LYAR: variants seen among roughly 807,000 people sequenced by gnomAD.
LYAR encodes Ly1 antibody reactive, also known as cell growth-regulating nucleolar protein.
LYAR carries 37 observed loss-of-function variants against 45.2 expected under a neutral mutation model. That is an observed-to-expected ratio of 0.82 (90% CI 0.63 to 1.08). The LOEUF is 1.08. LYAR is among the 50% of genes least tolerant of loss of function. The pLI is 0.00. For synonymous variants in LYAR, 176 were observed against 155.1 expected (o/e 1.14, Z -1.00); for missense variants, 493 against 451.0 (o/e 1.09, Z -0.84).
rs1560098732 is a variant in LYAR at position 4,286,525 on chromosome 4, C to A, written c.-60G>T. On this transcript the variant is annotated 5_prime_UTR_variant, in exon 2 of 10. Coordinates refer to ENST00000343470, the MANE Select transcript of LYAR (RefSeq NM_017816.3). Reference sequence around the variant, plus strand: ...GTAAATACTACAAACTTACAAAAAGCCGTCATGTAGAAATTCAGTCACTCC... The same window carrying A: ...GTAAATACTACAAACTTACAAAAAGACGTCATGTAGAAATTCAGTCACTCC... 6.6e-6 allele frequency: 1 copy of A among 152,170 alleles called. No homozygotes were observed. The allele number at this position is 152,170 out of a possible 1,614,324, so 9.4% of individuals were successfully genotyped here.
intron 8 of LYAR, among the ~76,000 whole-genome samples, chr4:4,271,882 C>T (rs973899586): frequency 7.9e-5 from 12 of 152,174 alleles, no homozygotes; most frequent in Admixed American, 2.6e-4. Context: ...CTGTGATGCA[C>T]GCACAGCACG....
chr4:4,268,506 C>A (rs370253279), intron 9 of LYAR, 24 bp downstream of exon 9: 12 of 1,459,740 alleles, frequency 8.2e-6, no homozygotes, highest in Non-Finnish European at 1.1e-5. Flanking sequence ...CTGTTAGACA[C>A]GTGGGTTTGT....
At chr4:4,278,987 A>G (rs751495368) in intron 6 of LYAR, among the ~76,000 whole-genome samples, 3 of 152,138 alleles carry the variant, frequency 2.0e-5, no homozygotes. Flanking sequence ...CAGTGCATTC[A>G]GTTTCTTCCT....
chr4:4,285,194 C>T (rs1158341132), intron 2 of LYAR, among the ~76,000 whole-genome samples: 1 of 152,206 alleles, frequency 6.6e-6, no homozygotes, highest in Non-Finnish European at 1.5e-5. Context: ...CGGTCCCAGG[C>T]CCCGCTCCTC....
rs2916443 is a variant in LYAR, at chr4:4,281,609, A to G, written c.237+174T>C. On this transcript the variant is annotated intron_variant, in intron 4 of 9. Transcript: ENST00000343470. ...GCTGGGATTACAGGCGTGAGCCACC[A>G]TGCCCAGCCAAAGAATTCTTTTTCA... is the stretch of plus-strand genomic sequence containing the variant. 5.6e-3 allele frequency among the ~76,000 whole-genome samples: 848 copies of G among 152,288 alleles called. 10 individuals are homozygous for G. Among genetic ancestry groups the G allele is most frequent in the African/African-American group, 0.019 (809 of 41,548 alleles).
intron 7 of LYAR, 23 bp from the exon 8 acceptor site, chr4:4,273,692 T>C: frequency 6.6e-7 from 1 of 1,514,130 alleles, no homozygotes; most frequent in Non-Finnish European, 9.1e-7. Flanking sequence ...AAAGATTTTT[T>C]TTAAAGAAGA....
At chr4:4,272,878 G>C (rs7671748) in intron 8 of LYAR, among the ~76,000 whole-genome samples, 39,004 of 152,048 alleles carry the variant, frequency 0.26, 7,434 homozygotes, top group African/African-American at 0.54. Context: ...CTGGGGGTTG[G>C]GGGAGGTGGC....
At chr4:4,281,730 A>C in intron 4 of LYAR, 53 bp downstream of exon 4, 1 of 1,351,316 alleles carries the variant, frequency 7.4e-7, no homozygotes, top group Admixed American at 1.7e-5. Flanking sequence ...TGGGCTTCCA[A>C]AGAAAGCGGA....
Position 4,276,543 on chromosome 4 carries a change from C to CA in LYAR, c.430-1775dup, listed in dbSNP as rs55900346. 4.8e-3 allele frequency among the ~76,000 whole-genome samples: 626 copies of CA among 131,426 alleles called. 9 individuals carry two copies. Among genetic ancestry groups the CA allele is most frequent in the African/African-American group, 0.015 (536 of 35,130 alleles). 86.2% of individuals were successfully genotyped at this position (131,426 alleles called of 152,430 possible). On this transcript the variant is annotated intron_variant, in intron 6 of 9. Transcript: ENST00000343470. ...GGGTGACAAGAATGAAACTCTGTCTCAAAAAAAAAAAAAAAGAAAACGGAT... is the reference window on the plus strand; with the variant it reads ...GGGTGACAAGAATGAAACTCTGTCTCAAAAAAAAAAAAAAAAGAAAACGGAT...
chr4:4,272,899 C>T (rs1382339029), intron 8 of LYAR, among the ~76,000 whole-genome samples: 2 of 152,056 alleles, frequency 1.3e-5, no homozygotes, highest in African/African-American at 4.8e-5. Context: ...AGAGAGATGA[C>T]GACTTGCCAC....
intron 8 of LYAR, among the ~76,000 whole-genome samples, chr4:4,271,710 A>C (rs927002321): frequency 6.6e-6 from 1 of 152,244 alleles, no homozygotes; most frequent in Non-Finnish European, 1.5e-5. Context: ...GAAAAGAAAG[A>C]ATATGCAACT....
intron 7 of LYAR, among the ~76,000 whole-genome samples, chr4:4,274,070 C>G (rs1285869675): frequency 6.6e-6 from 1 of 152,156 alleles, no homozygotes; most frequent in East Asian, 1.9e-4. Context: ...AACCCCATCT[C>G]TACTAAAAAT....
At chr4:4,269,261 C>T (rs1718834491) in intron 8 of LYAR, among the ~76,000 whole-genome samples, 1 of 152,186 alleles carries the variant, frequency 6.6e-6, no homozygotes, top group South Asian at 2.1e-4. Context: ...ACAAAACAGT[C>T]CCAACAGAAG....
chr4:4,288,966 T>C (rs1719739699), intron 1 of LYAR, among the ~76,000 whole-genome samples: 2 of 152,110 alleles, frequency 1.3e-5, no homozygotes, highest in Admixed American at 1.3e-4. Flanking sequence ...ATCTCATCTG[T>C]GAAACAAGAA....
At chr4:4,273,421 TTCTC>T (rs939657956) in intron 8 of LYAR, among the ~76,000 whole-genome samples, 158 bp downstream of exon 8, 23 of 152,090 alleles carry the variant, frequency 1.5e-4, no homozygotes, top group Non-Finnish European at 1.6e-4. Context: ...CTCTTTTCTT[TTCTC>T]TCTCTCTCGC....
intron 7 of LYAR, 29 bp downstream of exon 7, chr4:4,274,338 G>T (rs753704442): frequency 6.3e-7 from 1 of 1,583,870 alleles, no homozygotes; most frequent in African/African-American, 1.4e-5. Context: ...GTTTTCAGAT[G>T]AATCCCAGAG....
chr4:4,281,910 CA>C lies in LYAR; in HGVS notation c.123-14del. ...ATAGTCATCGCCCCTTTAAAGTGATCAAAAGTTCTGCCATTAGACTGATACC... is the reference window on the plus strand; with the variant it reads ...ATAGTCATCGCCCCTTTAAAGTGATCAAAGTTCTGCCATTAGACTGATACC... On this transcript the variant is annotated splice_polypyrimidine_tract_variant and intron_variant, in intron 3 of 9. Transcript: ENST00000343470. The C allele has an allele frequency of 6.3e-7, 1 of 1,589,062 alleles. No individual in the cohort carries two copies. Among genetic ancestry groups the C allele is most frequent in the Middle Eastern group, 1.7e-4 (1 of 6,000 alleles).
At position 4,268,580 on chromosome 4, in the gene LYAR, G is replaced by C. The variant is rs142101131; in HGVS notation, c.955C>G (p.Leu319Val). The change falls in exon 9 of 10, where the codon CTG becomes GTG. Residue 319 changes from leucine to valine, a missense_variant. Transcript: ENST00000343470. ...ATTTCATTGTCTGGGGCCTGTTTCAGAATTGCTTTAATAGTTCCCTTCCAG... is the reference window on the plus strand; with the variant it reads ...ATTTCATTGTCTGGGGCCTGTTTCACAATTGCTTTAATAGTTCCCTTCCAG... ...FNWKGTIKAI[L>V]KQAPDNEITI... The C allele has an allele frequency of 1.6e-5, 25 of 1,611,792 alleles. No individual in the cohort carries two copies. In the African/African-American group the frequency reaches 2.9e-4, roughly 19 times the overall value.
chr4:4,281,930 T>G (rs1177565133), intron 3 of LYAR, 33 bp from the exon 4 acceptor site: 2 of 1,463,672 alleles, frequency 1.4e-6, no homozygotes, highest in South Asian at 2.3e-5. Flanking sequence ...GCCATTAGAC[T>G]GATACCCAAG....
Sources: allele counts gnomAD v4.1 joint callset (sites outside exome capture counted in the v4.1 genomes callset), GRCh38; gene constraint gnomAD v4.1.1; transcripts MANE v1.5; gene names NCBI Gene and HGNC (gene_info 2026-07-23, HGNC 2026-07-21).